The following TTLL4 variants were observed in gnomAD, a reference collection of about 807,000 sequenced individuals.
The protein encoded by TTLL4 is tubulin tyrosine ligase like 4, also known as tubulin monoglutamylase TTLL4.
TTLL4 carries 85 observed loss-of-function variants against 122.7 expected under a neutral mutation model. The ratio of observed to expected loss-of-function variants is 0.69; its 90% CI spans 0.58 to 0.83. The LOEUF (loss-of-function observed/expected upper bound fraction) is 0.83, where lower values mean the gene tolerates loss of function less well. TTLL4 is among the 40% of genes least tolerant of loss of function. The pLI is 0.00. For synonymous variants in TTLL4, 553 were observed against 563.0 expected, an observed-to-expected ratio of 0.98 and a Z score of 0.25; for missense variants, 1,363 against 1,488.6, an observed-to-expected ratio of 0.92 and a Z score of 1.39.
Position 218,746,208 on chromosome 2 carries a change from C to T in TTLL4, c.1951C>T (p.Arg651Ter), listed in dbSNP as rs1407008594. ...TCACCACATGAAGTCTCCTAGTTTC[C>T]GATCCATTCGAGAGCATCAGAAGGT... The part of the protein sequence containing the change: ...WGHHMKSPSF[R>*]SIREHQKLNH... The change falls in exon 8 of 20, where the codon CGA becomes TGA. Residue 651 changes from arginine to a stop codon, truncating the protein, a stop_gained. Transcript: ENST00000392102. LOFTEE classifies it high-confidence loss of function. 2.2e-5 allele frequency: 36 copies of T among 1,613,786 alleles called. No homozygotes were observed. The highest frequency in any genetic ancestry group is 5.0e-5 in the Admixed American group (3 of 59,986).
chr2:218,716,506 C>T (rs376161075), intron 1 of TTLL4, among the ~76,000 whole-genome samples: 3 of 152,288 alleles, frequency 2.0e-5, no homozygotes, highest in Non-Finnish European at 2.9e-5. Context: ...TACACTGTGT[C>T]GGGCTGGGCG....
intron 1 of TTLL4, among the ~76,000 whole-genome samples, chr2:218,725,568 T>G (rs961196462): frequency 6.6e-6 from 1 of 152,172 alleles, no homozygotes; most frequent in Admixed American, 6.6e-5. Flanking sequence ...TTGCCTTTTT[T>G]TTTTGGAGAC....
chr2:218,728,209 TG>T (rs1254842433), intron 2 of TTLL4: 2 of 152,982 alleles, frequency 1.3e-5, no homozygotes, highest in African/African-American at 4.8e-5. Flanking sequence ...TTAAATTTTT[TG>T]TGCACTCTAT....
At position 218,738,414 on chromosome 2, in the gene TTLL4, G is replaced by A; in HGVS notation, c.738G>A (p.Lys246=). ...TQGLKPVSPP[K]IQPVSWHHSG... ...GCCTGAAGCCAGTATCGCCACCCAA[G>A]ATCCAGCCTGTCTCCTGGCATCATT... The change falls in exon 3 of 20, where the codon AAG becomes AAA. Residue 246 remains lysine (K), a synonymous_variant. Transcript: ENST00000392102. 6.2e-7 allele frequency: 1 copy of A among 1,614,122 alleles called. No homozygotes were observed. Among genetic ancestry groups the A allele is most frequent in the Non-Finnish European group, 8.5e-7 (1 of 1,180,030 alleles).
At chr2:218,731,039 G>C (rs1456760870) in intron 2 of TTLL4, among the ~76,000 whole-genome samples, 1 of 151,980 alleles carries the variant, frequency 6.6e-6, no homozygotes, top group African/African-American at 2.4e-5. Context: ...TTGAGCCCAG[G>C]AGTCCTAGGC....
chr2:218,719,820 C>G (rs1941980117), intron 1 of TTLL4, among the ~76,000 whole-genome samples: 1 of 152,130 alleles, frequency 6.6e-6, no homozygotes, highest in Non-Finnish European at 1.5e-5. Context: ...CCTGATGAAG[C>G]AATACAGCAA....
intron 8 of TTLL4, 122 bp from the exon 9 acceptor site, chr2:218,746,881 G>A (rs1942857508): frequency 9.2e-7 from 1 of 1,090,052 alleles, no homozygotes; most frequent in Admixed American, 2.5e-5. Flanking sequence ...GGTGGTGATA[G>A]TAAGATGGAA....
Position 218,738,752 on chromosome 2 carries a change from A to G in TTLL4, c.1076A>G (p.Glu359Gly). The change falls in exon 3 of 20, where the codon GAA becomes GGA. Residue 359 changes from glutamate to glycine, a missense_variant. Physicochemically the swap from Glu to Gly is moderately conservative, Grantham distance 98 (BLOSUM62 -2). Around this residue, in one of 3 missense-constraint regions of TTLL4, gnomAD observed 760 missense variants for 808.4 expected, o/e 0.94. Transcript: ENST00000392102. Reference sequence around the variant, plus strand: ...ATGCCGAGGCAAGGCTGCCAGCTTGAACAGTCTAGTTTCCTGAACCCCAGC... The same window carrying G: ...ATGCCGAGGCAAGGCTGCCAGCTTGGACAGTCTAGTTTCCTGAACCCCAGC... The part of the protein sequence containing the change: ...EKMPRQGCQL[E>G]QSSFLNPSFQ... 6.2e-7 allele frequency: 1 copy of G among 1,614,152 alleles called. No individual in the cohort carries two copies. Among genetic ancestry groups the G allele is most frequent in the South Asian group, 1.1e-5 (1 of 91,074 alleles).
chr2:218,722,485 A>G (rs1470235203), intron 1 of TTLL4, among the ~76,000 whole-genome samples: 2 of 152,188 alleles, frequency 1.3e-5, no homozygotes, highest in East Asian at 3.8e-4. Flanking sequence ...AATATTAGAT[A>G]GGATTGACAA....
At chr2:218,711,932 A>C (rs1176661756) in intron 1 of TTLL4, among the ~76,000 whole-genome samples, 2 of 149,152 alleles carry the variant, frequency 1.3e-5, no homozygotes, top group African/African-American at 4.9e-5. Flanking sequence ...CCTTTGGGAC[A>C]GTGTTCCATC....
chr2:218,752,768 C>T lies in TTLL4; in HGVS notation c.2982C>T (p.Phe994=), dbSNP rs773237981. 2.5e-6 allele frequency: 4 copies of T among 1,614,208 alleles called. No homozygotes were observed. In the South Asian group the frequency reaches 3.3e-5, roughly 13 times the overall value. ...YLTQKIPDQD[F]YASVLDVLTP... is the part of the protein sequence containing the mutation. ...CCCTGTTCCTTGGACCACAGGACTT[C>T]TATGCATCTGTGCTGGATGTCCTGA... is the stretch of plus-strand genomic sequence containing the variant. Residue 994 remains phenylalanine, a synonymous_variant, in exon 17 of 20, where the codon TTC becomes TTT. Transcript: ENST00000392102.
chr2:218,725,532 G>A (rs569118747), intron 1 of TTLL4, among the ~76,000 whole-genome samples: 1 of 152,020 alleles, frequency 6.6e-6, no homozygotes, highest in Admixed American at 6.6e-5. Flanking sequence ...TTAACTATTT[G>A]TGTCTCAATT....
intron 14 of TTLL4, 56 bp downstream of exon 14, chr2:218,749,443 C>G: frequency 6.3e-6 from 10 of 1,586,588 alleles, no homozygotes; most frequent in Non-Finnish European, 7.7e-6. Flanking sequence ...TCTCACGCTC[C>G]CATTGCCACT....
chr2:218,744,455 C>A (rs1334601688), intron 5 of TTLL4, among the ~76,000 whole-genome samples: 1 of 152,120 alleles, frequency 6.6e-6, no homozygotes, highest in African/African-American at 2.4e-5. Flanking sequence ...GTAGGGACCC[C>A]CATGGCCCAC....
intron 1 of TTLL4, among the ~76,000 whole-genome samples, chr2:218,713,704 T>A (rs1941778675): frequency 6.6e-6 from 1 of 152,210 alleles, no homozygotes; most frequent in African/African-American, 2.4e-5. Flanking sequence ...GAAAATCATG[T>A]CAGATTTGTA....
chr2:218,746,787 A>T (rs1483540889), intron 8 of TTLL4: 1 of 578,004 alleles, frequency 1.7e-6, no homozygotes, highest in Non-Finnish European at 3.0e-6. Context: ...TGAATATCAC[A>T]TCTGGCTTAC....
In TTLL4 at chr2:218,747,655, T is replaced by C. The variant is rs1221432561; in HGVS notation, c.2308T>C (p.Tyr770His). 2 of 1,614,214 alleles carry C rather than the reference T, an allele frequency of 1.2e-6. No homozygotes were observed. The highest frequency in any genetic ancestry group is 2.7e-5 in the African/African-American group (2 of 75,056). ...GSKFDLRIYVYVTSYDPLRIY... is the reference protein window; with the variant it reads ...GSKFDLRIYVHVTSYDPLRIY... ...CAAGTTTGACCTGCGGATCTATGTT[T>C]ATGTCACTTCCTACGATCCTCTGCG... Residue 770 changes from tyrosine to histidine, a missense_variant, in exon 11 of 20, where the codon TAT becomes CAT. Tyr to His is a moderately conservative substitution (Grantham distance 83, BLOSUM62 2). This residue lies in a region of TTLL4 where 596 missense variants were observed against 655.8 expected (regional missense o/e 0.91). Transcript: ENST00000392102. The surrounding 1 kb of genome is among the most constrained non-coding windows in gnomAD (Gnocchi z 4.7).
chr2:218,749,253 G>A lies in TTLL4; in HGVS notation c.2601G>A (p.Ser867=), dbSNP rs369665794. 5.9e-5 allele frequency: 95 copies of A among 1,613,942 alleles called. No individual in the cohort carries two copies. Among genetic ancestry groups the A allele is most frequent in the Non-Finnish European group, 7.6e-5 (90 of 1,180,014 alleles). ...IKDVVVKTII[S]SEPYVTSLLK... ...AGTACTTCCTCATCCCCATGACCAG[G>A]TCAGAGCCCTATGTGACCAGCCTGC... The change falls in exon 14 of 20, where the codon TCG becomes TCA. Residue 867 remains serine, a splice_region_variant and synonymous_variant. Transcript: ENST00000392102.
downstream of TTLL4, among the ~76,000 whole-genome samples, chr2:218,758,580 G>A (rs1022812002): frequency 4.6e-5 from 7 of 152,168 alleles, no homozygotes; most frequent in African/African-American, 1.4e-4. Context: ...AGGATGTATT[G>A]ATAGTTAACT....
Sources: gnomAD v4.1 joint callset for allele counts (sites outside exome capture counted in the v4.1 genomes callset) on GRCh38, gnomAD v4.1.1 for gene constraint, gnomAD v4.1.1 regional missense constraint, Gnocchi (gnomAD v3.1) non-coding constraint, MANE v1.5 for transcripts, NCBI Gene and HGNC (gene_info 2026-07-23, HGNC 2026-07-21) for gene names.